Variants in ADAMTS17 observed in about 807,000 individuals in gnomAD.
ADAMTS17 encodes ADAM metallopeptidase with thrombospondin type 1 motif 17.
ADAMTS17 carries 113 observed loss-of-function variants against 141.5 expected under a neutral mutation model. The observed-to-expected ratio is 0.80, with a 90% CI of 0.69 to 0.93. The LOEUF is 0.93. Ranked by LOEUF, ADAMTS17 falls within the 40% of genes least tolerant of loss-of-function variation. The probability of loss-of-function intolerance (pLI) is 0.00; values close to 1 mark genes in which losing one functional copy is unlikely to be tolerated. For synonymous variants in ADAMTS17, 768 were observed against 630.6 expected (o/e 1.22, Z -3.27); for missense variants, 1,659 against 1,517.9 (o/e 1.09, Z -1.54).
chr15:100,018,250 T>C (rs2061330863), intron 18 of ADAMTS17, among the ~76,000 whole-genome samples: 1 of 152,264 alleles, frequency 6.6e-6, no homozygotes, highest in South Asian at 2.1e-4. Flanking sequence ...ATTCTTTTCT[T>C]TTGTAAAGCT....
intron 3 of ADAMTS17, among the ~76,000 whole-genome samples, chr15:100,323,722 A>G (rs2045807174): frequency 1.3e-5 from 2 of 152,368 alleles, no homozygotes; most frequent in Admixed American, 6.5e-5. Context: ...TCTGCAATAA[A>G]GATAAATGAA....
intron 19 of ADAMTS17, among the ~76,000 whole-genome samples, chr15:99,994,633 A>C (rs973204699): frequency 6.6e-6 from 1 of 152,072 alleles, no homozygotes; most frequent in Non-Finnish European, 1.5e-5. Flanking sequence ...GTGGTGCAAT[A>C]TCGGCTCACT....
At chr15:100,242,423 G>A (rs577831433) in intron 7 of ADAMTS17, among the ~76,000 whole-genome samples, 1 of 152,202 alleles carries the variant, frequency 6.6e-6, no homozygotes, top group Non-Finnish European at 1.5e-5. Flanking sequence ...AGCCAAAGAT[G>A]CATAGCCTAG....
intron 7 of ADAMTS17, among the ~76,000 whole-genome samples, chr15:100,227,500 C>T (rs377525131): frequency 6.6e-5 from 10 of 152,330 alleles, no homozygotes; most frequent in East Asian, 3.9e-4. Flanking sequence ...TAATCAGAGA[C>T]GAGACACCAT....
At chr15:100,340,897 A>G in intron 2 of ADAMTS17, 142 bp downstream of exon 2, 3 of 1,272,690 alleles carry the variant, frequency 2.4e-6, no homozygotes, top group Non-Finnish European at 3.2e-6. Context: ...GGGGATGGGG[A>G]GAGGTGGAAA....
At chr15:100,162,789 C>T (rs1002125535) in intron 8 of ADAMTS17, among the ~76,000 whole-genome samples, 1 of 144,954 alleles carries the variant, frequency 6.9e-6, no homozygotes, top group Non-Finnish European at 1.5e-5. Flanking sequence ...TACATATGCA[C>T]ATATACACAG....
chr15:100,241,873 C>T (rs78703214), intron 7 of ADAMTS17, among the ~76,000 whole-genome samples: 34,507 of 152,106 alleles, frequency 0.23, 4,042 homozygotes, highest in East Asian at 0.34. Context: ...CTAGTAACTC[C>T]GAAGGTTGCT....
chr15:100,199,511 A>T, intron 7 of ADAMTS17, 88 bp from the exon 8 acceptor site: 1 of 1,089,670 alleles, frequency 9.2e-7, no homozygotes, highest in Non-Finnish European at 1.4e-6. Context: ...CGTCATGCAC[A>T]ATCAAGGCAG....
intron 10 of ADAMTS17, among the ~76,000 whole-genome samples, chr15:100,136,544 C>CTCAG (rs1256535005): frequency 1.3e-5 from 2 of 152,222 alleles, no homozygotes; most frequent in Non-Finnish European, 2.9e-5. Context: ...TGACAAAGTG[C>CTCAG]TCAGGTTCCT....
chr15:100,155,041 G>C (rs8034774), intron 9 of ADAMTS17, 139 bp downstream of exon 9: 11 of 1,270,500 alleles, frequency 8.7e-6, no homozygotes, highest in African/African-American at 2.9e-5. Context: ...GACACTCTGC[G>C]CTGACCGCCT....
At chr15:100,298,382 A>T (rs1418191401) in intron 3 of ADAMTS17, among the ~76,000 whole-genome samples, 2 of 152,050 alleles carry the variant, frequency 1.3e-5, no homozygotes, top group Non-Finnish European at 2.9e-5. Flanking sequence ...GGAAAGGACA[A>T]CTGTCGCTCT....
chr15:100,341,054 G>T lies in ADAMTS17; in HGVS notation c.435C>A (p.Gly145=). The change falls in exon 2 of 22, where the codon GGC becomes GGA. Residue 145 remains glycine, a synonymous_variant. Transcript: ENST00000268070. The part of the protein sequence containing the change: ...PGSLVSLSAC[G]AAGGLVGLIQ... ...CGGGCAGTACCAGGCCGCCGGCGGCGCCGCAGGCGCTGAGCGAGACGAGGG... is the reference window on the plus strand; with the variant it reads ...CGGGCAGTACCAGGCCGCCGGCGGCTCCGCAGGCGCTGAGCGAGACGAGGG... 6.6e-7 allele frequency: 1 copy of T among 1,522,964 alleles called. No homozygotes were observed. Among genetic ancestry groups the T allele is most frequent in the Non-Finnish European group, 8.8e-7 (1 of 1,140,306 alleles). The allele number at this position is 1,522,964 out of a possible 1,614,324, so 94.3% of individuals were successfully genotyped here.
At chr15:100,164,211 T>A (rs149987292) in intron 8 of ADAMTS17, among the ~76,000 whole-genome samples, 32 of 152,244 alleles carry the variant, frequency 2.1e-4, no homozygotes, top group African/African-American at 7.5e-4. Context: ...ATGGCTTTGA[T>A]GAGAAGGTGT....
At chr15:100,212,176 G>A (rs2041829987) in intron 7 of ADAMTS17, among the ~76,000 whole-genome samples, 1 of 152,150 alleles carries the variant, frequency 6.6e-6, no homozygotes, top group African/African-American at 2.4e-5. Flanking sequence ...GCACCAAGAG[G>A]GTAAGCAAAT....
At position 100,266,862 on chromosome 15, in the gene ADAMTS17, G is replaced by T. The variant is rs1011575048; in HGVS notation, c.790-4427C>A. ...TTGAATGCTGTCTGTCGTTCCTACT[G>T]CATGAGCTCCGGAGGATGAGACCTC... is the stretch of plus-strand genomic sequence containing the variant. On this transcript the variant is annotated intron_variant, in intron 4 of 21. Coordinates refer to ENST00000268070, the MANE Select transcript of ADAMTS17 (RefSeq NM_139057.4). Among the ~76,000 whole-genome samples, 15 of 152,190 alleles carry T rather than the reference G, an allele frequency of 9.9e-5. No homozygotes were observed. In the South Asian group the frequency reaches 3.1e-3, roughly 32 times the overall value.
rs567630935 is a variant in ADAMTS17, at chr15:100,258,097, T to C, written c.1031+3382A>G. ...AATATTCCCTTGTACATATACAGCA[T>C]ATCTGTTTACCCATTCATCCATCAA... On this transcript the variant is annotated intron_variant, in intron 6 of 21. Coordinates refer to ENST00000268070, the MANE Select transcript of ADAMTS17 (RefSeq NM_139057.4). Among the ~76,000 whole-genome samples, 60 of 152,378 alleles carry C rather than the reference T, an allele frequency of 3.9e-4. 1 individual carries two copies. The highest frequency in any genetic ancestry group is 1.4e-3 in the African/African-American group (57 of 41,590).
At chr15:100,049,955 G>A (rs1306780823) in intron 17 of ADAMTS17, among the ~76,000 whole-genome samples, 3 of 152,204 alleles carry the variant, frequency 2.0e-5, no homozygotes, top group Non-Finnish European at 4.4e-5. Context: ...CTCTATTGCT[G>A]TCATTATTAT....
chr15:99,974,949 C>G (rs2060290547), intron 21 of ADAMTS17, among the ~76,000 whole-genome samples: 1 of 152,196 alleles, frequency 6.6e-6, no homozygotes, highest in Non-Finnish European at 1.5e-5. Context: ...AGCATGAGGT[C>G]CAAGTACATA....
At chr15:100,097,582 C>G (rs569175237) in intron 14 of ADAMTS17, among the ~76,000 whole-genome samples, 2 of 152,376 alleles carry the variant, frequency 1.3e-5, no homozygotes, top group African/African-American at 4.8e-5. Flanking sequence ...CCCACAACTC[C>G]CCAAAGACAT....
Sources: allele counts gnomAD v4.1 joint callset (sites outside exome capture counted in the v4.1 genomes callset), GRCh38; gene constraint gnomAD v4.1.1; transcripts MANE v1.5; gene names NCBI Gene and HGNC (gene_info 2026-07-23, HGNC 2026-07-21).